Variants in TRPC4 observed in about 807,000 individuals in gnomAD.
TRPC4 encodes transient receptor potential cation channel subfamily C member 4.
Under a neutral mutation model 99.4 loss-of-function variants are expected in TRPC4, and 49 were observed. The observed-to-expected ratio is 0.49, with a 90% confidence interval of 0.39 to 0.63. The LOEUF is 0.63. TRPC4 is among the 20% of genes least tolerant of loss of function. TRPC4 has a pLI of 0.00. For missense variants in TRPC4, 898 were observed against 1,152.9 expected (o/e 0.78, Z 3.20); for synonymous variants, 454 against 425.9 (o/e 1.07, Z -0.81).
chr13:37,740,329 TTTTAA>T (rs113848610), intron 3 of TRPC4, among the ~76,000 whole-genome samples: 6,547 of 152,186 alleles, frequency 0.043, 472 homozygotes, highest in African/African-American at 0.15. Flanking sequence ...TGAGTGGTGT[TTTTAA>T]TTTGTTTGTT....
chr13:37,790,395 C>T (rs1168429409), intron 1 of TRPC4, among the ~76,000 whole-genome samples: 1 of 152,140 alleles, frequency 6.6e-6, no homozygotes, highest in Non-Finnish European at 1.5e-5. Flanking sequence ...ACTGCAACCA[C>T]ACAACTTATT....
At chr13:37,773,123 T>A (rs1258731268) in intron 2 of TRPC4, among the ~76,000 whole-genome samples, 2 of 151,748 alleles carry the variant, frequency 1.3e-5, no homozygotes, top group Non-Finnish European at 2.9e-5. Context: ...TCAGGACACT[T>A]GCTCCATCAA....
chr13:37,760,357 C>T (rs1426098744), intron 2 of TRPC4, among the ~76,000 whole-genome samples: 2 of 151,888 alleles, frequency 1.3e-5, no homozygotes, highest in Non-Finnish European at 2.9e-5. Context: ...CCACTCAGAA[C>T]CCATCTTAAG....
rs1473591756 is a variant in TRPC4 at position 37,632,129 on chromosome 13, T to C, written c.*4774A>G. Among the ~76,000 whole-genome samples the C allele has an allele frequency of 6.6e-6, 1 of 152,186 alleles. No homozygotes were observed. Among genetic ancestry groups the C allele is most frequent in the African/African-American group, 2.4e-5 (1 of 41,450 alleles). On this transcript the variant is annotated 3_prime_UTR_variant, in exon 11 of 11. Transcript: ENST00000379705. ...TTTTTGAGTAATTAAAGATAGAATT[T>C]TCTACCTTTGCAATTCAGATGATGG...
chr13:37,796,929 A>AAAAT (rs1957260855), intron 1 of TRPC4, among the ~76,000 whole-genome samples: 1 of 41,224 alleles, frequency 2.4e-5, no homozygotes, highest in Non-Finnish European at 4.6e-5. Context: ...TCCTCTCTAC[A>AAAAT]AAAATAAAAT....
intron 3 of TRPC4, among the ~76,000 whole-genome samples, chr13:37,702,323 T>A (rs557451023): frequency 6.6e-6 from 1 of 152,336 alleles, no homozygotes; most frequent in East Asian, 1.9e-4. Flanking sequence ...GACATTAGCA[T>A]GTCTTTTTGC....
intron 1 of TRPC4, among the ~76,000 whole-genome samples, chr13:37,811,065 A>G (rs781427148): frequency 6.6e-6 from 1 of 152,136 alleles, no homozygotes; most frequent in Non-Finnish European, 1.5e-5. Context: ...TAAAATTCCT[A>G]TATCTATTCT....
At chr13:37,766,787 T>C (rs1956384820) in intron 2 of TRPC4, among the ~76,000 whole-genome samples, 1 of 151,438 alleles carries the variant, frequency 6.6e-6, no homozygotes, top group South Asian at 2.1e-4. Context: ...TTCGCTAGCT[T>C]CACTTTTAGA....
intron 6 of TRPC4, among the ~76,000 whole-genome samples, chr13:37,660,989 T>C (rs981801443): frequency 7.2e-5 from 11 of 152,204 alleles, no homozygotes; most frequent in African/African-American, 2.7e-4. Flanking sequence ...GGGCTATTGA[T>C]ATATACTTTA....
chr13:37,868,630 G>A (rs1593353131), intron 1 of TRPC4, among the ~76,000 whole-genome samples: 1 of 94,682 alleles, frequency 1.1e-5, no homozygotes, highest in Non-Finnish European at 2.2e-5. Context: ...TTACAAGTCT[G>A]TCTATTTTTT....
chr13:37,800,081 A>G (rs1327257824), intron 1 of TRPC4, among the ~76,000 whole-genome samples: 2 of 152,210 alleles, frequency 1.3e-5, no homozygotes, highest in East Asian at 3.9e-4. Context: ...ATTTCCAGAT[A>G]TAAGCGCATA....
At chr13:37,675,138 T>A (rs1953002574) in intron 4 of TRPC4, among the ~76,000 whole-genome samples, 1 of 152,146 alleles carries the variant, frequency 6.6e-6, no homozygotes, top group Non-Finnish European at 1.5e-5. Context: ...CAGTGAGAAT[T>A]TTTTAGGATA....
chr13:37,736,755 G>A (rs1283710071), intron 3 of TRPC4, among the ~76,000 whole-genome samples: 1 of 151,826 alleles, frequency 6.6e-6, no homozygotes, highest in Non-Finnish European at 1.5e-5. Context: ...TTGAGACAGG[G>A]TCTCACTCTG....
chr13:37,821,189 G>GA (rs1566196251), intron 1 of TRPC4, among the ~76,000 whole-genome samples: 24 of 70,130 alleles, frequency 3.4e-4, no homozygotes, highest in African/African-American at 8.7e-4. Flanking sequence ...ATTCACAATA[G>GA]CCACACACAC....
At chr13:37,661,966 G>T (rs1355625642) in intron 6 of TRPC4, among the ~76,000 whole-genome samples, 1 of 152,074 alleles carries the variant, frequency 6.6e-6, no homozygotes, top group Non-Finnish European at 1.5e-5. Context: ...TGTCAAGACT[G>T]AGTGAACCGG....
intron 1 of TRPC4, among the ~76,000 whole-genome samples, chr13:37,794,185 G>C (rs563828485): frequency 7.3e-6 from 1 of 136,394 alleles, no homozygotes; most frequent in African/African-American, 2.7e-5. Context: ...ATTAAGAAAG[G>C]TTACATATGG....
At chr13:37,675,511 C>T (rs1299012179) in intron 4 of TRPC4, among the ~76,000 whole-genome samples, 1 of 152,064 alleles carries the variant, frequency 6.6e-6, no homozygotes, top group Non-Finnish European at 1.5e-5. Flanking sequence ...GGACCCTATC[C>T]ACAGCTCAAG....
At chr13:37,747,348 C>T (rs993177064) in intron 2 of TRPC4, among the ~76,000 whole-genome samples, 1 of 152,110 alleles carries the variant, frequency 6.6e-6, no homozygotes, top group African/African-American at 2.4e-5. Context: ...CTTTAAAGAC[C>T]TTATATAATA....
chr13:37,777,439 C>T (rs1956737275), intron 2 of TRPC4, among the ~76,000 whole-genome samples: 1 of 151,884 alleles, frequency 6.6e-6, no homozygotes, highest in Admixed American at 6.6e-5. Context: ...TATCACAGGA[C>T]AGCACTAGGG....
Sources: allele counts gnomAD v4.1 joint callset (sites outside exome capture counted in the v4.1 genomes callset), GRCh38; gene constraint gnomAD v4.1.1; transcripts MANE v1.5; gene names NCBI Gene and HGNC (gene_info 2026-07-23, HGNC 2026-07-21).